PTPRR: variants seen among roughly 807,000 people sequenced by gnomAD.
The protein encoded by PTPRR is receptor-type tyrosine-protein phosphatase R.
A neutral mutation model predicts 77.2 loss-of-function variants in PTPRR; 38 were observed. The ratio of observed to expected loss-of-function variants is 0.49; its 90% CI spans 0.38 to 0.65. The LOEUF (loss-of-function observed/expected upper bound fraction) is 0.65, where lower values mean the gene tolerates loss of function less well. Ranked by LOEUF, PTPRR falls within the 30% of genes least tolerant of loss-of-function variation. The probability of loss-of-function intolerance (pLI) is 0.00; values close to 1 mark genes in which losing one functional copy is unlikely to be tolerated. For missense variants in PTPRR, 744 were observed against 799.2 expected, an observed-to-expected ratio of 0.93 and a Z score of 0.83; for synonymous variants, 299 against 283.1, an observed-to-expected ratio of 1.06 and a Z score of -0.57.
intron 2 of PTPRR, among the ~76,000 whole-genome samples, chr12:70,856,360 G>C (rs1279150004): frequency 6.6e-6 from 1 of 152,160 alleles, no homozygotes; most frequent in Non-Finnish European, 1.5e-5. Flanking sequence ...ATGTGAGAAT[G>C]CCAGGCTGGC....
At chr12:70,711,949 AT>A (rs1243523739) in intron 6 of PTPRR, among the ~76,000 whole-genome samples, 2 of 152,160 alleles carry the variant, frequency 1.3e-5, no homozygotes, top group East Asian at 3.8e-4. Flanking sequence ...TTATTTAAAT[AT>A]ACATCTCTGT....
intron 2 of PTPRR, among the ~76,000 whole-genome samples, chr12:70,805,226 A>C (rs1412516980): frequency 6.6e-6 from 1 of 152,080 alleles, no homozygotes; most frequent in Non-Finnish European, 1.5e-5. Flanking sequence ...TTATCCTGTA[A>C]CATTCTTTTT....
At chr12:70,849,347 T>C (rs1892537068) in intron 2 of PTPRR, among the ~76,000 whole-genome samples, 1 of 152,164 alleles carries the variant, frequency 6.6e-6, no homozygotes. Flanking sequence ...ATAGGCCAGA[T>C]AGCCACTCAA....
At chr12:70,885,234 A>G (rs551503382) in intron 2 of PTPRR, among the ~76,000 whole-genome samples, 1 of 152,168 alleles carries the variant, frequency 6.6e-6, no homozygotes, top group Non-Finnish European at 1.5e-5. Flanking sequence ...AGATATTGTC[A>G]TCATTTATTT....
chr12:70,657,238 C>T (rs1222826709), intron 12 of PTPRR, among the ~76,000 whole-genome samples: 2 of 151,874 alleles, frequency 1.3e-5, no homozygotes, highest in African/African-American at 2.4e-5. Flanking sequence ...ATGGTGATGC[C>T]CTGAGGCCAA....
chr12:70,782,678 G>C (rs1307124234), intron 2 of PTPRR, among the ~76,000 whole-genome samples: 2 of 152,020 alleles, frequency 1.3e-5, no homozygotes, highest in African/African-American at 2.4e-5. Flanking sequence ...TCACACACCG[G>C]GGCCGTTGTG....
chr12:70,744,723 G>A (rs1890157408), intron 6 of PTPRR, among the ~76,000 whole-genome samples: 1 of 152,172 alleles, frequency 6.6e-6, no homozygotes, highest in South Asian at 2.1e-4. Context: ...AAAACCTCAG[G>A]CAACAAAATA....
intron 2 of PTPRR, among the ~76,000 whole-genome samples, chr12:70,851,247 C>A (rs1892566871): frequency 6.6e-6 from 1 of 152,104 alleles, no homozygotes; most frequent in Admixed American, 6.6e-5. Context: ...TTTATCCTGA[C>A]TCTAATAATG....
At chr12:70,784,518 C>A (rs1390303773) in intron 2 of PTPRR, among the ~76,000 whole-genome samples, 1 of 152,194 alleles carries the variant, frequency 6.6e-6, no homozygotes, top group Non-Finnish European at 1.5e-5. Flanking sequence ...CACAACCTAG[C>A]CCCGCTCCAA....
intron 2 of PTPRR, among the ~76,000 whole-genome samples, chr12:70,810,663 ATTGT>A (rs1422521798): frequency 6.6e-6 from 1 of 152,170 alleles, no homozygotes; most frequent in African/African-American, 2.4e-5. Context: ...TCTCTGATAA[ATTGT>A]TTGGAAGTTA....
intron 1 of PTPRR, among the ~76,000 whole-genome samples, chr12:70,908,751 G>A (rs1424232099): frequency 1.3e-5 from 2 of 152,102 alleles, no homozygotes; most frequent in African/African-American, 4.8e-5. Flanking sequence ...GGGATTTGAG[G>A]GGCACTTGGT....
chr12:70,879,568 A>G (rs375651740), intron 2 of PTPRR, among the ~76,000 whole-genome samples: 69 of 152,336 alleles, frequency 4.5e-4, no homozygotes, highest in African/African-American at 1.7e-3. Context: ...GGTCCCCAAC[A>G]TTAAGATTGG....
chr12:70,861,849 C>A (rs530118025), intron 2 of PTPRR, among the ~76,000 whole-genome samples: 52 of 152,284 alleles, frequency 3.4e-4, no homozygotes, highest in African/African-American at 1.2e-3. Context: ...TGGCTACTAC[C>A]TTCCTAATCT....
At position 70,835,933 on chromosome 12, in the gene PTPRR, C is replaced by T. The variant is rs542466276; in HGVS notation, c.357+56746G>A. ...CTTAGCTAACATTTTGCAGAGGTGGCCATTCTGGTTCATAAAGTCATACTT... is the reference window on the plus strand; with the variant it reads ...CTTAGCTAACATTTTGCAGAGGTGGTCATTCTGGTTCATAAAGTCATACTT... On this transcript the variant is annotated intron_variant, in intron 2 of 13. Transcript: ENST00000283228. 2.0e-5 allele frequency among the ~76,000 whole-genome samples: 3 copies of T among 152,138 alleles called. No individual in the cohort carries two copies. In the South Asian group the frequency reaches 6.2e-4, roughly 32 times the overall value.
At chr12:70,838,145 C>T (rs9971800) in intron 2 of PTPRR, among the ~76,000 whole-genome samples, 70,766 of 151,924 alleles carry the variant, frequency 0.47, 17,140 homozygotes, top group East Asian at 0.6. Flanking sequence ...TCATTTTCTC[C>T]GCATTTCTTT....
chr12:70,884,980 C>T (rs2137109011), intron 2 of PTPRR, among the ~76,000 whole-genome samples: 1 of 148,568 alleles, frequency 6.7e-6, no homozygotes, highest in Non-Finnish European at 1.5e-5. Context: ...TTTGTATCTT[C>T]TAATCAGAAC....
chr12:70,778,927 C>A (rs1244834725), intron 2 of PTPRR, among the ~76,000 whole-genome samples: 5 of 152,210 alleles, frequency 3.3e-5, no homozygotes, highest in Admixed American at 2.0e-4. Flanking sequence ...CTCACTGCAA[C>A]CTCCACCTCC....
intron 2 of PTPRR, among the ~76,000 whole-genome samples, chr12:70,858,616 G>C (rs1892694019): frequency 6.6e-6 from 1 of 151,942 alleles, no homozygotes; most frequent in African/African-American, 2.4e-5. Flanking sequence ...TGCATTTCAA[G>C]TAACTCTCTC....
chr12:70,827,709 CTTTTTTT>C (rs869285373), intron 2 of PTPRR, among the ~76,000 whole-genome samples: 2 of 63,870 alleles, frequency 3.1e-5, no homozygotes, highest in African/African-American at 9.5e-5. Flanking sequence ...CCACACCTGG[CTTTTTTT>C]TTTTTTTTTT....
Sources: gnomAD v4.1 joint callset for allele counts (sites outside exome capture counted in the v4.1 genomes callset) on GRCh38, gnomAD v4.1.1 for gene constraint, MANE v1.5 for transcripts, NCBI Gene and HGNC (gene_info 2026-07-23, HGNC 2026-07-21) for gene names.